ZNF500: variants seen among roughly 807,000 people sequenced by gnomAD.
ZNF500 encodes the protein zinc finger protein with KRAB and SCAN domains 18.
Under a neutral mutation model 30.1 loss-of-function variants are expected in ZNF500, and 31 were observed. The observed-to-expected ratio is 1.03, with a 90% confidence interval of 0.77 to 1.39. The LOEUF (loss-of-function observed/expected upper bound fraction) is 1.39. Ranked by LOEUF, ZNF500 falls within the 40% of genes most tolerant of loss-of-function variation. The pLI is 0.00. For synonymous variants in ZNF500, 392 were observed against 282.0 expected, an observed-to-expected ratio of 1.39 and a Z score of -3.91; for missense variants, 817 against 657.8, an observed-to-expected ratio of 1.24 and a Z score of -2.65.
rs539974412 is a variant in ZNF500 at position 4,751,417 on chromosome 16, C to T, written c.*959G>A. The T allele has an allele frequency of 3.0e-6, 2 of 673,306 alleles. No individual in the cohort carries two copies. The highest frequency in any genetic ancestry group is 2.9e-5 in the East Asian group (1 of 34,360). 41.7% of individuals were successfully genotyped at this position (673,306 alleles called of 1,614,324 possible). ...GATGTCAGGCCCGTCACATCCCAGGCAACATGTCAGGAAGATGGAACTCAG... is the reference window on the plus strand; with the variant it reads ...GATGTCAGGCCCGTCACATCCCAGGTAACATGTCAGGAAGATGGAACTCAG... On this transcript the variant is annotated 3_prime_UTR_variant, in exon 6 of 6. Coordinates refer to ENST00000219478, the MANE Select transcript of ZNF500 (RefSeq NM_021646.4).
rs1031454046 is a variant in ZNF500, at chr16:4,760,604, C to G, written c.664-16G>C. On this transcript the variant is annotated splice_polypyrimidine_tract_variant and intron_variant, in intron 4 of 5. Transcript: ENST00000219478. ...TCACGGGCACCTGCCAGAACGCACC[C>G]CACTCAGTCCTGGCCCCAAGCAAGC... 3.7e-6 allele frequency: 6 copies of G among 1,611,550 alleles called. No homozygotes were observed. The African/African-American group carries it at 8.0e-5, about 22-fold the overall frequency.
chr16:4,753,307 A>G (rs1461727528), intron 5 of ZNF500: 1 of 617,918 alleles, frequency 1.6e-6, no homozygotes, highest in African/African-American at 1.9e-5. Flanking sequence ...CAGAAAATAA[A>G]CAAAACTAGC....
At chr16:4,756,989 A>AG (rs2082141670) in intron 5 of ZNF500, among the ~76,000 whole-genome samples, 1 of 151,942 alleles carries the variant, frequency 6.6e-6, no homozygotes, top group Non-Finnish European at 1.5e-5. Flanking sequence ...TCTCAAAAAA[A>AG]GAAAAAAAAA....
chr16:4,766,481 A>G (rs1025015110), intron 1 of ZNF500, among the ~76,000 whole-genome samples: 2 of 152,234 alleles, frequency 1.3e-5, no homozygotes, highest in East Asian at 3.9e-4. Context: ...TTAGCCCGAC[A>G]TGGTGGTAGC....
chr16:4,745,082 G>A, downstream of ZNF500: 1 of 1,540,376 alleles, frequency 6.5e-7, no homozygotes, highest in Non-Finnish European at 8.9e-7. Context: ...GCACTGACTG[G>A]GCCTACCAAG....
At chr16:4,764,079 A>T (rs1567538865) in intron 2 of ZNF500, 5 of 985,330 alleles carry the variant, frequency 5.1e-6, no homozygotes, top group Non-Finnish European at 6.0e-6. Context: ...TACTCCTTCA[A>T]ATGGGGCTGG....
At chr16:4,766,669 T>G (rs1261326864) in intron 1 of ZNF500, among the ~76,000 whole-genome samples, 1 of 152,204 alleles carries the variant, frequency 6.6e-6, no homozygotes, top group Non-Finnish European at 1.5e-5. Flanking sequence ...AATCGTTATT[T>G]TCCATGATTA....
At chr16:4,759,299 T>A (rs1236829144) in intron 5 of ZNF500, among the ~76,000 whole-genome samples, 2 of 151,014 alleles carry the variant, frequency 1.3e-5, no homozygotes, top group African/African-American at 4.9e-5. Flanking sequence ...GCTGGGTGCA[T>A]GAGATGGTGC....
intron 5 of ZNF500, among the ~76,000 whole-genome samples, chr16:4,755,616 C>T (rs2082127817): frequency 1.3e-5 from 2 of 152,158 alleles, no homozygotes; most frequent in South Asian, 2.1e-4. Flanking sequence ...CATGCCTGGC[C>T]GTACAAATAT....
chr16:4,752,205 TG>T lies in ZNF500; in HGVS notation c.*170del. Reference sequence around the variant, plus strand: ...GTCCTTGCCCTTGTTCTGCACCCAGTGCCCAGCTTCCTCTGCGGCCTGGGCA... The same window carrying T: ...GTCCTTGCCCTTGTTCTGCACCCAGTCCCAGCTTCCTCTGCGGCCTGGGCA... On this transcript the variant is annotated 3_prime_UTR_variant, in exon 6 of 6. Coordinates refer to ENST00000219478, the MANE Select transcript of ZNF500 (RefSeq NM_021646.4). 1.4e-6 allele frequency: 2 copies of T among 1,420,022 alleles called. No individual in the cohort carries two copies. Among genetic ancestry groups the T allele is most frequent in the Non-Finnish European group, 9.1e-7 (1 of 1,093,112 alleles). The allele number at this position is 1,420,022 out of a possible 1,614,324, so 88.0% of individuals were successfully genotyped here.
In ZNF500 at chr16:4,766,046, C is replaced by A; in HGVS notation, c.-68G>T. The A allele has an allele frequency of 6.7e-7, 1 of 1,487,916 alleles. No individual in the cohort carries two copies. The highest frequency in any genetic ancestry group is 2.3e-5 in the East Asian group (1 of 43,706). The allele number at this position is 1,487,916 out of a possible 1,614,324, so 92.2% of individuals were successfully genotyped here. On this transcript the variant is annotated 5_prime_UTR_variant, in exon 2 of 6. Coordinates refer to ENST00000219478, the MANE Select transcript of ZNF500 (RefSeq NM_021646.4). ...ACCTGTCTCTCTCTATACCTCTGGCCAGACACAGGAAGAGAGTTTTTTTCA... is the reference window on the plus strand; with the variant it reads ...ACCTGTCTCTCTCTATACCTCTGGCAAGACACAGGAAGAGAGTTTTTTTCA...
At chr16:4,747,340 C>G, downstream of ZNF500, 1 of 1,560,780 alleles carries the variant, frequency 6.4e-7, no homozygotes, top group Non-Finnish European at 8.7e-7. Flanking sequence ...CATTGTGTCA[C>G]AGGACCTGTA....
downstream of ZNF500, among the ~76,000 whole-genome samples, chr16:4,745,571 C>G (rs1254787376): frequency 1.3e-5 from 2 of 152,214 alleles, no homozygotes; most frequent in East Asian, 1.9e-4. Flanking sequence ...TTGCTCCGCA[C>G]TTGAGGAATC....
chr16:4,761,669 G>A (rs2082202469), intron 4 of ZNF500, among the ~76,000 whole-genome samples: 1 of 151,116 alleles, frequency 6.6e-6, no homozygotes, highest in Non-Finnish European at 1.5e-5. Context: ...AGCACAGCGA[G>A]ACTGTGTCCC....
rs140845793 is a variant in ZNF500, at chr16:4,756,034, A to G, written c.761-2976T>C. On this transcript the variant is annotated intron_variant, in intron 5 of 5. Transcript: ENST00000219478. ...GAGACAGAGCAGACAGGTGGCTGCC[A>G]GAGGCTAGGGGAGGGGAAATGGGGA... Among the ~76,000 whole-genome samples the G allele has an allele frequency of 1.5e-3, 221 of 152,278 alleles. 1 individual carries two copies. The highest frequency in any genetic ancestry group is 3.4e-3 in the Middle Eastern group (1 of 294).
chr16:4,760,868 T>G (rs1407279142), intron 4 of ZNF500, among the ~76,000 whole-genome samples: 2 of 152,014 alleles, frequency 1.3e-5, no homozygotes, highest in African/African-American at 4.8e-5. Context: ...CCGAGGCCCA[T>G]GCTCCACAGG....
At position 4,762,255 on chromosome 16, in the gene ZNF500, G is replaced by A. The variant is rs2082211219; in HGVS notation, c.663+16C>T. The A allele has an allele frequency of 1.2e-6, 2 of 1,610,022 alleles. No homozygotes were observed. Among genetic ancestry groups the A allele is most frequent in the Non-Finnish European group, 8.5e-7 (1 of 1,178,294 alleles). On this transcript the variant is annotated intron_variant, in intron 4 of 5. Transcript: ENST00000219478. The stretch of plus-strand genomic sequence containing the variant: ...CCAGACCCCAGGATGCTGCAGACCA[G>A]GAGCATCCCACTCACCTGGGACCAG...
Position 4,751,528 on chromosome 16 carries a change from C to T in ZNF500, c.*848G>A. 1 of 1,518,362 alleles carries T rather than the reference C, an allele frequency of 6.6e-7. No homozygotes were observed. Among genetic ancestry groups the T allele is most frequent in the South Asian group, 1.2e-5 (1 of 82,630 alleles). The allele number at this position is 1,518,362 out of a possible 1,614,324, so 94.1% of individuals were successfully genotyped here. On this transcript the variant is annotated 3_prime_UTR_variant, in exon 6 of 6. Transcript: ENST00000219478. Reference sequence around the variant, plus strand: ...GACTGGAATGCTGCAGAGCCCCGGGCTCCATTTGGAAACTCTGGCAGGATG... The same window carrying T: ...GACTGGAATGCTGCAGAGCCCCGGGTTCCATTTGGAAACTCTGGCAGGATG...
chr16:4,763,769 G>GGCT (rs2082233490), intron 2 of ZNF500: 2 of 985,310 alleles, frequency 2.0e-6, no homozygotes, highest in African/African-American at 3.5e-5. Flanking sequence ...GAGGCTGGCC[G>GGCT]GCTGGGAAGA....
Sources: allele counts gnomAD v4.1 joint callset (sites outside exome capture counted in the v4.1 genomes callset), GRCh38; gene constraint gnomAD v4.1.1; transcripts MANE v1.5; gene names NCBI Gene and HGNC (gene_info 2026-07-23, HGNC 2026-07-21).